The following MYL7 variants were observed in gnomAD, a reference collection of about 807,000 sequenced individuals.
MYL7 encodes the protein myosin light chain 7.
Under a neutral mutation model 22.5 loss-of-function variants are expected in MYL7, and 27 were observed. The observed-to-expected ratio is 1.20, with a 90% CI of 0.89 to 1.66. MYL7 has a LOEUF of 1.66. Ranked by LOEUF, MYL7 falls within the 40% of genes most tolerant of loss-of-function variation. MYL7 has a pLI of 0.00. For missense variants in MYL7, 209 were observed against 226.8 expected (o/e 0.92, Z 0.50); for synonymous variants, 81 against 84.4 (o/e 0.96, Z 0.22).
chr7:44,139,461 A>G, intron 6 of MYL7, 60 bp downstream of exon 6: 1 of 1,573,512 alleles, frequency 6.4e-7, no homozygotes, highest in Non-Finnish European at 8.7e-7. Context: ...GCTCTGGGTC[A>G]TGGGTGAAGG....
In MYL7 at chr7:44,139,867, G is replaced by T. The variant is rs766059002; in HGVS notation, c.299-7C>A. Reference sequence around the variant, plus strand: ...GCTTCCTCGGGGTCTGTCCCTGGAAGGCCGAGGCAGCCAGGTGAGCATCCA... The same window carrying T: ...GCTTCCTCGGGGTCTGTCCCTGGAATGCCGAGGCAGCCAGGTGAGCATCCA... On this transcript the variant is annotated splice_polypyrimidine_tract_variant and splice_region_variant and intron_variant, in intron 4 of 6. Coordinates refer to ENST00000223364, the MANE Select transcript of MYL7 (RefSeq NM_021223.3). 25 of 1,596,744 alleles carry T rather than the reference G, an allele frequency of 1.6e-5. No homozygotes were observed. Among genetic ancestry groups the T allele is most frequent in the Non-Finnish European group, 2.0e-5 (23 of 1,175,756 alleles).
intron 6 of MYL7, 100 bp from the exon 7 acceptor site, chr7:44,139,122 TG>T: frequency 1.1e-6 from 1 of 874,980 alleles, no homozygotes; most frequent in Admixed American, 2.1e-5. Flanking sequence ...CCCCTGCATC[TG>T]TGCTTTTTGC....
At chr7:44,141,132 C>G (rs2085837874) in intron 1 of MYL7, 58 bp from the exon 2 acceptor site, 3 of 1,586,432 alleles carry the variant, frequency 1.9e-6, no homozygotes, top group South Asian at 1.1e-5. Flanking sequence ...TCTCCCCACC[C>G]CACCCATCAT....
intron 6 of MYL7, 21 bp from the exon 7 acceptor site, chr7:44,139,043 T>A (rs755625731): frequency 6.3e-7 from 1 of 1,599,882 alleles, no homozygotes; most frequent in South Asian, 1.1e-5. Context: ...CACTGGTGAG[T>A]GGCAGTCCCC....
chr7:44,140,509 C>CCAGGATGGAGGGAGGGCGGCCTGGG, intron 3 of MYL7, 82 bp from the exon 4 acceptor site: 1 of 1,338,142 alleles, frequency 7.5e-7, no homozygotes, highest in Non-Finnish European at 1.0e-6. Context: ...TCCATCCTGG[C>CCAGGATGGAGGGAGGGCGGCCTGGG]CACAGGGGCT....
In MYL7 at chr7:44,139,729, C is replaced by G. The variant is rs1583582339; in HGVS notation, c.377+53G>C. The G allele has an allele frequency of 3.1e-6, 5 of 1,603,992 alleles. No homozygotes were observed. In the East Asian group the frequency reaches 6.7e-5, roughly 22 times the overall value. ...CAGCCCCCCTCACTAGGGGCCTCAC[C>G]CCGCTCTCTGCTTCCACCACGGTGC... is the stretch of plus-strand genomic sequence containing the variant. On this transcript the variant is annotated intron_variant, in intron 5 of 6. Coordinates refer to ENST00000223364, the MANE Select transcript of MYL7 (RefSeq NM_021223.3).
At position 44,140,227 on chromosome 7, in the gene MYL7, A is replaced by AGGTTCAGGTGGGGTTCAGGCAG; in HGVS notation, c.298+74_298+95dup. The AGGTTCAGGTGGGGTTCAGGCAG allele has an allele frequency of 5.9e-6, 6 of 1,010,610 alleles. No individual in the cohort carries two copies. In the Middle Eastern group the frequency reaches 6.3e-4, roughly 106 times the overall value. 62.6% of individuals were successfully genotyped at this position (1,010,610 alleles called of 1,614,324 possible). On this transcript the variant is annotated intron_variant, in intron 4 of 6. Coordinates refer to ENST00000223364, the MANE Select transcript of MYL7 (RefSeq NM_021223.3). ...TTAGGGTTCAGGTGGGGTTCATGTA[A>AGGTTCAGGTGGGGTTCAGGCAG]GGTTCAGGTGGGGTTCAGGCAGGGT...
chr7:44,139,735 C>G, intron 5 of MYL7, 47 bp downstream of exon 5: 1 of 1,607,702 alleles, frequency 6.2e-7, no homozygotes, highest in Non-Finnish European at 8.5e-7. Flanking sequence ...TCACCCCGCT[C>G]TCTGCTTCCA....
rs2096265059 is a variant in MYL7, at chr7:44,141,069, G to C, written c.9C>G (p.Ser3Arg). 1 of 1,613,766 alleles carries C rather than the reference G, an allele frequency of 6.2e-7. No homozygotes were observed. The highest frequency in any genetic ancestry group is 8.5e-7 in the Non-Finnish European group (1 of 1,179,904). Residue 3 changes from serine (S) to arginine (R), a missense_variant, in exon 2 of 7, where the codon AGC (serine) becomes AGG (arginine). Coordinates refer to ENST00000223364, the MANE Select transcript of MYL7 (RefSeq NM_021223.3). ...CCTTGCCCCGGGTCCCCGCCTTCCT[G>C]CTGGCCTGCAACACTGTGAGTAGGG... MA[S>R]RKAGTRGKVA...
chr7:44,141,271 C>A lies in MYL7; in HGVS notation c.3+32G>T, dbSNP rs2096265387. On this transcript the variant is annotated intron_variant, in intron 1 of 6. Transcript: ENST00000223364. ...AGCCCAAAGGCCAGCACCTGGGAGACCGCTAGCCTTTCTTCCCCAGCAGGC... is the reference window on the plus strand; with the variant it reads ...AGCCCAAAGGCCAGCACCTGGGAGAACGCTAGCCTTTCTTCCCCAGCAGGC... 4.3e-6 allele frequency: 7 copies of A among 1,614,124 alleles called. No homozygotes were observed. The East Asian group carries it at 1.3e-4, about 31-fold the overall frequency.
Position 44,138,897 on chromosome 7 carries a change from C to A in MYL7, c.*24G>T. 4 of 1,587,894 alleles carry A rather than the reference C, an allele frequency of 2.5e-6. No individual in the cohort carries two copies. The highest frequency in any genetic ancestry group is 1.1e-5 in the South Asian group (1 of 90,500). On this transcript the variant is annotated 3_prime_UTR_variant, in exon 7 of 7. Transcript: ENST00000223364. ...TTGCAACAGAGTTTATTGAGGTGCC[C>A]CCCCGTGGGCCTGGCCCTGCCCCTC...
At chr7:44,141,187 C>T in intron 1 of MYL7, 113 bp from the exon 2 acceptor site, 1 of 1,580,650 alleles carries the variant, frequency 6.3e-7, no homozygotes, top group Non-Finnish European at 8.7e-7. Flanking sequence ...CCAGGATCCT[C>T]TTCCTCTCCC....
chr7:44,140,423 C>T lies in MYL7; in HGVS notation c.198G>A (p.Lys66=), dbSNP rs2096263925. 2 of 1,613,318 alleles carry T rather than the reference C, an allele frequency of 1.2e-6. No individual in the cohort carries two copies. The highest frequency in any genetic ancestry group is 1.7e-4 in the Middle Eastern group (1 of 6,054). The change falls in exon 4 of 7, where the codon AAG becomes AAA. Residue 66 remains lysine (K), a synonymous_variant. Coordinates refer to ENST00000223364, the MANE Select transcript of MYL7 (RefSeq NM_021223.3). ...DLRETYSQLG[K]VSVPEEELDA... ...CCAGCTCCTCCTCTGGGACACTCAC[C>T]TTCCCTGGTGGGGGTGGGGCATGAG...
chr7:44,140,819 C>A, intron 2 of MYL7, 32 bp from the exon 3 acceptor site: 1 of 1,610,114 alleles, frequency 6.2e-7, no homozygotes, highest in Non-Finnish European at 8.5e-7. Context: ...GTGGGAGCAG[C>A]CCCCAGCTCT....
At position 44,141,325 on chromosome 7, in the gene MYL7, C is replaced by G; in HGVS notation, c.-20G>C. 2 of 1,611,092 alleles carry G rather than the reference C, an allele frequency of 1.2e-6. No individual in the cohort carries two copies. Among genetic ancestry groups the G allele is most frequent in the Non-Finnish European group, 1.7e-6 (2 of 1,178,768 alleles). ...CACCATTCTCTCTGCAGAGGTGTGG[C>G]TGCTGTCGTGGTGGCAGGGCCCAGC... On this transcript the variant is annotated 5_prime_UTR_variant, in exon 1 of 7. Coordinates refer to ENST00000223364, the MANE Select transcript of MYL7 (RefSeq NM_021223.3).
intron 6 of MYL7, 43 bp downstream of exon 6, chr7:44,139,478 G>A (rs778462899): frequency 1.2e-6 from 2 of 1,603,374 alleles, no homozygotes; most frequent in African/African-American, 2.7e-5. Context: ...AAGGCCCAGA[G>A]AAGGTGCTGG....
At chr7:44,139,313 G>T in intron 6 of MYL7, 1 of 710,208 alleles carries the variant, frequency 1.4e-6, no homozygotes, top group Non-Finnish European at 2.5e-6. Context: ...CCCCAGGTCT[G>T]TGCACAGTCT....
Position 44,140,755 on chromosome 7 carries a change from G to A in MYL7, c.150C>T (p.Gly50=). Residue 50 remains glycine (G), a synonymous_variant, in exon 3 of 7, where the codon GGC becomes GGT. Transcript: ENST00000223364. ...CCCTCAGGTCTGCCTTGCAGATGATGCCATCACGATTCTGGTCGATACAGC... is the reference window on the plus strand; with the variant it reads ...CCCTCAGGTCTGCCTTGCAGATGATACCATCACGATTCTGGTCGATACAGC... ...AFSCIDQNRD[G]IICKADLRET... is the part of the protein sequence containing the mutation. 11 of 1,613,132 alleles carry A rather than the reference G, an allele frequency of 6.8e-6. No homozygotes were observed. The highest frequency in any genetic ancestry group is 9.3e-6 in the Non-Finnish European group (11 of 1,179,662).
At chr7:44,139,898 C>G in intron 4 of MYL7, 38 bp from the exon 5 acceptor site, 1 of 1,564,414 alleles carries the variant, frequency 6.4e-7, no homozygotes, top group Non-Finnish European at 8.6e-7. Flanking sequence ...ATCCATGTCT[C>G]CAGCATCCCA....
Sources: gnomAD v4.1 joint callset for allele counts on GRCh38, gnomAD v4.1.1 for gene constraint, MANE v1.5 for transcripts, NCBI Gene and HGNC (gene_info 2026-07-23, HGNC 2026-07-21) for gene names.